PARD3: variants seen among roughly 807,000 people sequenced by gnomAD.
PARD3 encodes the protein par-3 family cell polarity regulator.
Under a neutral mutation model 155.4 loss-of-function variants are expected in PARD3, and 75 were observed. That is an observed-to-expected ratio of 0.48 (90% CI 0.40 to 0.58). The LOEUF (loss-of-function observed/expected upper bound fraction) is 0.58. PARD3 is among the 20% of genes least tolerant of loss of function. The probability of loss-of-function intolerance (pLI) is 0.00; values close to 1 mark genes in which losing one functional copy is unlikely to be tolerated. For synonymous variants in PARD3, 576 were observed against 610.5 expected (o/e 0.94, Z 0.83); for missense variants, 1,642 against 1,721.7 (o/e 0.95, Z 0.82).
intron 20 of PARD3, among the ~76,000 whole-genome samples, chr10:34,311,748 C>A (rs1407446519): frequency 1.3e-5 from 2 of 152,172 alleles, no homozygotes; most frequent in African/African-American, 2.4e-5. Flanking sequence ...CCACCACCCC[C>A]CTGCCAACCA....
chr10:34,384,960 G>C (rs960708419), intron 7 of PARD3, among the ~76,000 whole-genome samples: 1 of 152,168 alleles, frequency 6.6e-6, no homozygotes, highest in African/African-American at 2.4e-5. Flanking sequence ...CAGGTTGAAA[G>C]AAAAGTGTGA....
chr10:34,471,575 G>C (rs1191645199), intron 3 of PARD3, among the ~76,000 whole-genome samples: 1 of 152,194 alleles, frequency 6.6e-6, no homozygotes, highest in East Asian at 1.9e-4. Context: ...GACTGGTTGA[G>C]ACAGAGTCTG....
intron 24 of PARD3, among the ~76,000 whole-genome samples, chr10:34,117,987 T>A (rs1946776992): frequency 6.6e-6 from 1 of 152,062 alleles, no homozygotes; most frequent in Admixed American, 6.5e-5. Context: ...CAGATTCAGG[T>A]TTGAATGCTG....
chr10:34,804,574 T>C (rs1230948524), intron 1 of PARD3, among the ~76,000 whole-genome samples: 1 of 152,242 alleles, frequency 6.6e-6, no homozygotes, highest in Admixed American at 6.5e-5. Flanking sequence ...TGGCTAACCA[T>C]TATTCACATA....
chr10:34,216,571 C>CAGTA lies in PARD3; in HGVS notation c.3419+53082_3419+53085dup, dbSNP rs536423158. Among the ~76,000 whole-genome samples, 232 of 152,288 alleles carry CAGTA rather than the reference C, an allele frequency of 1.5e-3. 4 individuals carry two copies. In the South Asian group the frequency reaches 0.016, roughly 11 times the overall value. On this transcript the variant is annotated intron_variant, in intron 22 of 24. Coordinates refer to ENST00000374788, the MANE Select transcript of PARD3 (RefSeq NM_001184785.2). ...GAACCCAGATCAATAGACATGTCAACAGTAAGCTGCTTAATCTAATTCAGC... is the reference window on the plus strand; with the variant it reads ...GAACCCAGATCAATAGACATGTCAACAGTAAGTAAGCTGCTTAATCTAATTCAGC...
chr10:34,775,790 T>A (rs1839450807), intron 1 of PARD3, among the ~76,000 whole-genome samples: 1 of 152,176 alleles, frequency 6.6e-6, no homozygotes, highest in Admixed American at 6.5e-5. Flanking sequence ...AATCAAGATG[T>A]AAAGAGAAAT....
At chr10:34,437,262 G>T (rs1253239761) in intron 5 of PARD3, among the ~76,000 whole-genome samples, 1 of 151,946 alleles carries the variant, frequency 6.6e-6, no homozygotes, top group Non-Finnish European at 1.5e-5. Flanking sequence ...TAGCCTGTAT[G>T]GGGTATCCTC....
intron 1 of PARD3, among the ~76,000 whole-genome samples, chr10:34,811,208 C>G: frequency 6.6e-6 from 1 of 152,200 alleles, no homozygotes; most frequent in Non-Finnish European, 1.5e-5. Flanking sequence ...GTTACCCTGA[C>G]TCTTAGCTAA....
intron 22 of PARD3, among the ~76,000 whole-genome samples, chr10:34,269,037 T>G (rs1358310502): frequency 6.6e-6 from 1 of 152,196 alleles, no homozygotes. Flanking sequence ...TCTATGCATG[T>G]AAAAATTACT....
intron 7 of PARD3, 25 bp from the exon 8 acceptor site, chr10:34,384,279 T>C (rs774465014): frequency 6.2e-7 from 1 of 1,606,754 alleles, no homozygotes; most frequent in Non-Finnish European, 8.5e-7. Flanking sequence ...ATGCAAATGA[T>C]TACACATGTA....
intron 1 of PARD3, among the ~76,000 whole-genome samples, chr10:34,737,842 C>G (rs935395040): frequency 2.6e-5 from 4 of 152,206 alleles, no homozygotes; most frequent in Non-Finnish European, 5.9e-5. Context: ...AGCAAACCAG[C>G]ATGAAACATC....
At chr10:34,602,383 T>C (rs1404501518) in intron 2 of PARD3, among the ~76,000 whole-genome samples, 1 of 152,230 alleles carries the variant, frequency 6.6e-6, no homozygotes, top group Non-Finnish European at 1.5e-5. Flanking sequence ...TGGTGATTAT[T>C]ATTATATGTT....
chr10:34,603,544 T>C (rs1376967809), intron 2 of PARD3, among the ~76,000 whole-genome samples: 1 of 152,174 alleles, frequency 6.6e-6, no homozygotes, highest in African/African-American at 2.4e-5. Flanking sequence ...TCATCTTTTG[T>C]TTGGGCAAAG....
At chr10:34,227,313 G>T (rs1322340277) in intron 22 of PARD3, among the ~76,000 whole-genome samples, 1 of 152,252 alleles carries the variant, frequency 6.6e-6, no homozygotes, top group East Asian at 1.9e-4. Context: ...AAACCAGAAT[G>T]ATCTCCACAC....
At chr10:34,586,518 T>C (rs928063343) in intron 2 of PARD3, among the ~76,000 whole-genome samples, 3 of 152,174 alleles carry the variant, frequency 2.0e-5, no homozygotes, top group Non-Finnish European at 4.4e-5. Flanking sequence ...ACCTTATTCA[T>C]CACTGAGCCA....
At chr10:34,245,757 A>G (rs1953910213) in intron 22 of PARD3, among the ~76,000 whole-genome samples, 1 of 152,182 alleles carries the variant, frequency 6.6e-6, no homozygotes, top group African/African-American at 2.4e-5. Flanking sequence ...AAGAGCAGAG[A>G]GATGGTACAC....
At chr10:34,721,850 C>T (rs1473809780) in intron 1 of PARD3, among the ~76,000 whole-genome samples, 2 of 152,100 alleles carry the variant, frequency 1.3e-5, no homozygotes, top group Non-Finnish European at 2.9e-5. Context: ...TTATAACATA[C>T]AAACTCTAAC....
intron 1 of PARD3, among the ~76,000 whole-genome samples, chr10:34,701,537 C>G (rs1306384587): frequency 6.6e-6 from 1 of 152,158 alleles, no homozygotes; most frequent in Non-Finnish European, 1.5e-5. Context: ...AGCAAGACTT[C>G]CCCAACAGAG....
At chr10:34,794,055 G>A (rs376308593) in intron 1 of PARD3, among the ~76,000 whole-genome samples, 2 of 151,800 alleles carry the variant, frequency 1.3e-5, no homozygotes, top group African/African-American at 4.8e-5. Context: ...AATTATACTT[G>A]AAAACTCCAT....
Sources: allele counts gnomAD v4.1 joint callset (sites outside exome capture counted in the v4.1 genomes callset), GRCh38; gene constraint gnomAD v4.1.1; transcripts MANE v1.5; gene names NCBI Gene and HGNC (gene_info 2026-07-23, HGNC 2026-07-21).